Variants in CRACD observed in about 807,000 individuals in gnomAD.
CRACD encodes capping protein inhibiting regulator of actin dynamics.
CRACD carries 56 observed loss-of-function variants against 106.8 expected under a neutral mutation model. The observed-to-expected ratio is 0.52, with a 90% CI of 0.42 to 0.66. CRACD has a LOEUF of 0.66. CRACD is among the 30% of genes least tolerant of loss of function. The pLI, the probability that CRACD is intolerant of heterozygous loss-of-function variation, is 0.00. For synonymous variants in CRACD, 754 were observed against 670.8 expected, an observed-to-expected ratio of 1.12 and a Z score of -1.92; for missense variants, 1,730 against 1,623.2, an observed-to-expected ratio of 1.07 and a Z score of -1.13.
At chr4:56,264,048 A>G (rs1741858771) in intron 2 of CRACD, among the ~76,000 whole-genome samples, 1 of 152,204 alleles carries the variant, frequency 6.6e-6, no homozygotes, top group African/African-American at 2.4e-5. Flanking sequence ...ACTTACAATC[A>G]TGGTGGAAGG....
chr4:56,109,371 T>C (rs548884017), intron 1 of CRACD, among the ~76,000 whole-genome samples: 140 of 152,304 alleles, frequency 9.2e-4, no homozygotes, highest in African/African-American at 3.3e-3. Flanking sequence ...ACTGAAACAG[T>C]TTGTGCCTTC....
At chr4:56,249,426 GT>G (rs1206048650) in intron 2 of CRACD, among the ~76,000 whole-genome samples, 1 of 148,854 alleles carries the variant, frequency 6.7e-6, no homozygotes, top group Non-Finnish European at 1.5e-5. Context: ...GGGGTTGTTT[GT>G]TTTTTTCTTG....
At chr4:56,218,423 CTCCCTT>C (rs2109507153) in intron 2 of CRACD, among the ~76,000 whole-genome samples, 3 of 148,796 alleles carry the variant, frequency 2.0e-5, no homozygotes, top group Non-Finnish European at 4.5e-5. Flanking sequence ...CTTTCTTTCC[CTCCCTT>C]CCCCTCCCTT....
chr4:56,166,688 A>AAC (rs1023400716), intron 1 of CRACD, among the ~76,000 whole-genome samples: 7 of 151,612 alleles, frequency 4.6e-5, no homozygotes, highest in African/African-American at 9.7e-5. Context: ...AAAAAAAAAA[A>AAC]AAAACCATTT....
intron 1 of CRACD, among the ~76,000 whole-genome samples, chr4:56,101,505 A>G (rs1369997079): frequency 2.0e-5 from 3 of 152,142 alleles, no homozygotes; most frequent in African/African-American, 7.2e-5. Flanking sequence ...GCTCACGCCT[A>G]TAATCCCAGC....
chr4:56,120,763 T>G (rs11728328), intron 1 of CRACD, among the ~76,000 whole-genome samples: 1 of 152,056 alleles, frequency 6.6e-6, no homozygotes, highest in East Asian at 1.9e-4. Flanking sequence ...CATGTATAAA[T>G]GATGATTCAA....
At chr4:56,057,391 AT>A (rs1334192222) in intron 1 of CRACD, among the ~76,000 whole-genome samples, 3 of 152,170 alleles carry the variant, frequency 2.0e-5, no homozygotes, top group African/African-American at 7.2e-5. Context: ...GTGTGTGTGT[AT>A]GTGTATATTC....
At chr4:56,237,804 ATCAG>A (rs1039420250) in intron 2 of CRACD, among the ~76,000 whole-genome samples, 8 of 151,954 alleles carry the variant, frequency 5.3e-5, no homozygotes, top group Middle Eastern at 3.4e-3. Context: ...CGATGGATGA[ATCAG>A]TCAGTAGATA....
At chr4:56,116,928 G>A (rs556719687) in intron 1 of CRACD, among the ~76,000 whole-genome samples, 152 of 150,226 alleles carry the variant, frequency 1.0e-3, no homozygotes, top group African/African-American at 3.3e-3. Context: ...GGCTGGTCTC[G>A]AACTCTTGAT....
intron 2 of CRACD, among the ~76,000 whole-genome samples, chr4:56,200,775 G>A (rs9312671): frequency 0.025 from 3,762 of 152,128 alleles, 167 homozygotes; most frequent in African/African-American, 0.084. Context: ...CCCTCTGCCC[G>A]CACAGTGTAG....
chr4:56,262,347 G>A (rs1211034302), intron 2 of CRACD, among the ~76,000 whole-genome samples: 1 of 152,140 alleles, frequency 6.6e-6, no homozygotes, highest in Non-Finnish European at 1.5e-5. Context: ...TATGTGTTTT[G>A]TCTTATTTCT....
intron 2 of CRACD, among the ~76,000 whole-genome samples, chr4:56,211,872 G>A (rs1738426790): frequency 6.6e-6 from 1 of 152,182 alleles, no homozygotes; most frequent in Admixed American, 6.5e-5. Context: ...CTGGTCCATG[G>A]ATTTGACTTG....
intron 1 of CRACD, among the ~76,000 whole-genome samples, chr4:56,164,901 A>G (rs1736085633): frequency 6.6e-6 from 1 of 152,198 alleles, no homozygotes; most frequent in East Asian, 1.9e-4. Flanking sequence ...TTCTGAATGC[A>G]ATTTGGTTCA....
chr4:56,111,696 T>A (rs1471230174), intron 1 of CRACD, among the ~76,000 whole-genome samples: 1 of 152,112 alleles, frequency 6.6e-6, no homozygotes, highest in East Asian at 1.9e-4. Context: ...TTTTTTGTAT[T>A]TTTATTAGAG....
At chr4:56,058,285 G>C (rs1030681911) in intron 1 of CRACD, among the ~76,000 whole-genome samples, 7 of 152,128 alleles carry the variant, frequency 4.6e-5, no homozygotes, top group Non-Finnish European at 1.0e-4. Flanking sequence ...GACTAGGCTG[G>C]TCTCGAACCC....
At chr4:56,210,281 G>C (rs966615867) in intron 2 of CRACD, among the ~76,000 whole-genome samples, 1 of 152,070 alleles carries the variant, frequency 6.6e-6, no homozygotes, top group Non-Finnish European at 1.5e-5. Context: ...TGTTATATAG[G>C]TAAACTCGTG....
chr4:56,127,053 A>G (rs1020833171), intron 1 of CRACD, among the ~76,000 whole-genome samples: 4 of 152,170 alleles, frequency 2.6e-5, no homozygotes, highest in Non-Finnish European at 5.9e-5. Flanking sequence ...TGTTTATGGA[A>G]CTTGGGAGGC....
chr4:56,259,840 A>C (rs957731375), intron 2 of CRACD, among the ~76,000 whole-genome samples: 4 of 152,170 alleles, frequency 2.6e-5, no homozygotes, highest in Non-Finnish European at 4.4e-5. Flanking sequence ...GCTGCTGTAC[A>C]ATGGAAGTGA....
At chr4:56,293,007 G>A (rs772852405) in intron 3 of CRACD, among the ~76,000 whole-genome samples, 17 of 152,282 alleles carry the variant, frequency 1.1e-4, no homozygotes, top group Non-Finnish European at 2.2e-4. Context: ...TTACAGGATG[G>A]AGAATTTCAG....
Sources: allele counts gnomAD v4.1 joint callset (sites outside exome capture counted in the v4.1 genomes callset), GRCh38; gene constraint gnomAD v4.1.1; transcripts MANE v1.5; gene names NCBI Gene and HGNC (gene_info 2026-07-23, HGNC 2026-07-21).